The following KAT6B variants were observed in gnomAD, a reference collection of about 807,000 sequenced individuals.
KAT6B encodes the protein lysine acetyltransferase 6B, also known as histone acetyltransferase KAT6B.
In KAT6B, 10 loss-of-function variants were observed where a neutral mutation model predicts 187.5. The ratio of observed to expected loss-of-function variants is 0.05; its 90% CI spans 0.03 to 0.09. KAT6B has a LOEUF of 0.09. Ranked by LOEUF, KAT6B falls within the 10% of genes least tolerant of loss-of-function variation. KAT6B has a pLI of 1.00. For synonymous variants in KAT6B, 861 were observed against 926.8 expected (o/e 0.93, Z 1.29); for missense variants, 1,952 against 2,558.9 (o/e 0.76, Z 5.12).
chr10:74,965,544 G>A (rs1432142235), intron 4 of KAT6B, among the ~76,000 whole-genome samples: 1 of 152,162 alleles, frequency 6.6e-6, no homozygotes, highest in Non-Finnish European at 1.5e-5. Context: ...GGGGCTTAGT[G>A]TCTGAGTCGT....
At chr10:74,982,915 G>A (rs1007682331) in intron 11 of KAT6B, 2 of 152,090 alleles carry the variant, frequency 1.3e-5, no homozygotes, top group Admixed American at 1.3e-4. Context: ...TTTATTTCTG[G>A]CCTGCAGTGT....
At chr10:74,877,930 A>G (rs1844541250) in intron 3 of KAT6B, among the ~76,000 whole-genome samples, 1 of 151,824 alleles carries the variant, frequency 6.6e-6, no homozygotes, top group African/African-American at 2.4e-5. Flanking sequence ...AGATTGTAAA[A>G]GAAAAAAAAA....
intron 3 of KAT6B, among the ~76,000 whole-genome samples, chr10:74,891,934 A>C (rs750436788): frequency 1.3e-5 from 2 of 152,124 alleles, no homozygotes; most frequent in Non-Finnish European, 2.9e-5. Flanking sequence ...GGTAGGTTCT[A>C]CCTTCTGCTG....
chr10:74,968,399 C>G (rs1349748911), intron 4 of KAT6B, among the ~76,000 whole-genome samples: 1 of 150,098 alleles, frequency 6.7e-6, no homozygotes, highest in African/African-American at 2.5e-5. Flanking sequence ...TTTTTTTTAA[C>G]TCAGGAATAG....
At chr10:74,897,327 T>C (rs1846063475) in intron 3 of KAT6B, among the ~76,000 whole-genome samples, 1 of 152,142 alleles carries the variant, frequency 6.6e-6, no homozygotes. Context: ...CGCTCCCCAC[T>C]CTAACATGAC....
intron 1 of KAT6B, among the ~76,000 whole-genome samples, chr10:74,837,871 G>GT (rs1841425644): frequency 1.4e-5 from 2 of 144,342 alleles, no homozygotes; most frequent in African/African-American, 5.0e-5. Flanking sequence ...TTTGAACACT[G>GT]TGATTCTGCT....
intron 3 of KAT6B, among the ~76,000 whole-genome samples, chr10:74,946,851 A>G (rs1233183311): frequency 6.6e-6 from 1 of 152,106 alleles, no homozygotes; most frequent in Non-Finnish European, 1.5e-5. Flanking sequence ...CAAACTGTAC[A>G]TTTCATTGTA....
chr10:74,898,270 T>C (rs1284888020), intron 3 of KAT6B, among the ~76,000 whole-genome samples: 2 of 152,222 alleles, frequency 1.3e-5, no homozygotes, highest in Non-Finnish European at 2.9e-5. Flanking sequence ...GGCTTTGGAC[T>C]GAGCTGCTGC....
chr10:74,954,244 T>C (rs1427137740), intron 3 of KAT6B, among the ~76,000 whole-genome samples: 1 of 152,206 alleles, frequency 6.6e-6, no homozygotes, highest in Non-Finnish European at 1.5e-5. Context: ...CTGTATGATT[T>C]CACTTATATG....
intron 3 of KAT6B, among the ~76,000 whole-genome samples, chr10:74,903,835 T>C (rs1846565916): frequency 1.3e-5 from 2 of 152,224 alleles, no homozygotes; most frequent in Non-Finnish European, 2.9e-5. Flanking sequence ...TCTGTGGATA[T>C]CAAGGGTGGA....
At chr10:74,971,486 T>C (rs1277865677) in intron 6 of KAT6B, among the ~76,000 whole-genome samples, 3 of 152,200 alleles carry the variant, frequency 2.0e-5, no homozygotes, top group Non-Finnish European at 4.4e-5. Flanking sequence ...TTTTTAAAAT[T>C]TTACCAGTTT....
intron 4 of KAT6B, among the ~76,000 whole-genome samples, chr10:74,966,987 G>A (rs1382344577): frequency 6.6e-6 from 1 of 152,092 alleles, no homozygotes; most frequent in African/African-American, 2.4e-5. Flanking sequence ...CCGTGATCAT[G>A]CCACCGCACT....
rs1375934072 is a variant in KAT6B at position 74,843,084 on chromosome 10, A to C, written c.227A>C (p.Asn76Thr). 1 of 1,614,102 alleles carries C rather than the reference A, an allele frequency of 6.2e-7. No homozygotes were observed. The highest frequency in any genetic ancestry group is 1.3e-5 in the African/African-American group (1 of 75,008). The change falls in exon 3 of 18, where the codon AAC becomes ACC. Residue 76 changes from asparagine (N) to threonine (T), a missense_variant. Asn to Thr is a moderately conservative substitution (Grantham distance 65). Coordinates refer to ENST00000287239, the MANE Select transcript of KAT6B (RefSeq NM_012330.4). ...CTTGCCTCCTATAAGGACCCAGACA[A>C]CCCTGGGCGCTTTTCATCAGTTAAA... ...KGLASYKDPD[N>T]PGRFSSVKPG...
At chr10:74,925,093 G>A (rs1393170011) in intron 3 of KAT6B, among the ~76,000 whole-genome samples, 2 of 152,150 alleles carry the variant, frequency 1.3e-5, no homozygotes, top group Admixed American at 6.5e-5. Flanking sequence ...AGGCTGGAGT[G>A]CAGTGACATG....
rs1056876097 is a variant in KAT6B at position 74,898,921 on chromosome 10, T to C, written c.621+55443T>C. ...ATCCTAGCACTCTGGGAGGCTGAGG[T>C]GGGTGGATCACTTGAGGTCAGGAGT... is the stretch of plus-strand genomic sequence containing the variant. On this transcript the variant is annotated intron_variant, in intron 3 of 17. Coordinates refer to ENST00000287239, the MANE Select transcript of KAT6B (RefSeq NM_012330.4). Among the ~76,000 whole-genome samples, 11 of 148,610 alleles carry C rather than the reference T, an allele frequency of 7.4e-5. No homozygotes were observed. In the South Asian group the frequency reaches 2.1e-3, roughly 29 times the overall value.
At chr10:74,893,995 A>G (rs1845817153) in intron 3 of KAT6B, among the ~76,000 whole-genome samples, 1 of 152,256 alleles carries the variant, frequency 6.6e-6, no homozygotes, top group African/African-American at 2.4e-5. Flanking sequence ...GATGTAACAT[A>G]CAGCTAATAA....
intron 13 of KAT6B, among the ~76,000 whole-genome samples, chr10:74,990,445 G>A (rs1349849135): frequency 2.6e-5 from 4 of 152,064 alleles, no homozygotes; most frequent in Non-Finnish European, 4.4e-5. Context: ...TGATTAAAGT[G>A]TAAAATAACT....
chr10:74,929,921 C>CT (rs370938293), intron 3 of KAT6B, among the ~76,000 whole-genome samples: 5,276 of 136,010 alleles, frequency 0.039, 212 homozygotes, highest in East Asian at 0.16. Flanking sequence ...ATTATTTTTC[C>CT]TTTTTTTTTT....
rs1845453649 is a variant in KAT6B at position 75,022,071 on chromosome 10, A to C, written c.3212A>C (p.Glu1071Ala). The part of the protein sequence containing the change: ...LLELSKESSE[E>A]EEEEEDEEEE... The stretch of plus-strand genomic sequence containing the variant: ...GAGCTGTCTAAAGAGAGCAGTGAAG[A>C]AGAAGAGGAGGAGGAGGACGAGGAG... Residue 1071 changes from glutamate to alanine, a missense_variant, in exon 16 of 18, where the codon GAA (glutamate) becomes GCA (alanine). Transcript: ENST00000287239. 1 of 1,613,768 alleles carries C rather than the reference A, an allele frequency of 6.2e-7. No individual in the cohort carries two copies. Among genetic ancestry groups the C allele is most frequent in the Admixed American group, 1.7e-5 (1 of 59,980 alleles).
Sources: gnomAD v4.1 joint callset for allele counts (sites outside exome capture counted in the v4.1 genomes callset) on GRCh38, gnomAD v4.1.1 for gene constraint, MANE v1.5 for transcripts, NCBI Gene and HGNC (gene_info 2026-07-23, HGNC 2026-07-21) for gene names.